Variants in URI1 observed in about 807,000 individuals in gnomAD.
URI1 encodes unconventional prefoldin RPB5 interactor 1.
A neutral mutation model predicts 60.2 loss-of-function variants in URI1; 39 were observed. The ratio of observed to expected loss-of-function variants is 0.65; its 90% confidence interval spans 0.50 to 0.85. URI1 has a LOEUF of 0.85. Ranked by LOEUF, URI1 falls within the 40% of genes least tolerant of loss-of-function variation. The pLI, the probability that URI1 is intolerant of heterozygous loss-of-function variation, is 0.00. For synonymous variants in URI1, 251 were observed against 236.8 expected (o/e 1.06, Z -0.55); for missense variants, 691 against 665.9 (o/e 1.04, Z -0.42).
In URI1 at chr19:30,015,026, G is replaced by A. The variant is rs1426813016; in HGVS notation, c.1565G>A (p.Arg522Lys). ...LLEASEETGK[R>K]VSKFKAARLQ... is the part of the protein sequence containing the mutation. ...GAAGCATCTGAAGAAACTGGAAAGA[G>A]GGTTTCAAAGTTTAAAGCTGCCAGA... The change falls in exon 11 of 11, where the codon AGG (arginine) becomes AAG (lysine). Residue 522 changes from arginine to lysine, a missense_variant. Physicochemically the swap from Arg to Lys is conservative, Grantham distance 26 (BLOSUM62 2). Transcript: ENST00000392271. 4 of 1,613,724 alleles carry A rather than the reference G, an allele frequency of 2.5e-6. No homozygotes were observed. Among genetic ancestry groups the A allele is most frequent in the Admixed American group, 1.7e-5 (1 of 59,988 alleles).
At position 29,933,506 on chromosome 19, in the gene URI1, C is replaced by A. The variant is rs144946965; in HGVS notation, c.63+9752C>A. Among the ~76,000 whole-genome samples, 442 of 151,836 alleles carry A rather than the reference C, an allele frequency of 2.9e-3. 1 individual carries two copies. The highest frequency in any genetic ancestry group is 0.01 in the African/African-American group (432 of 41,464). ...GACTCTTTTCTCTTTTTTTCTTAGT[C>A]AATTTTGTTGATCTTTAAAAACATC... On this transcript the variant is annotated intron_variant, in intron 1 of 10. Coordinates refer to the URI1 transcript ENST00000360605.
At chr19:29,963,488 T>C (rs2055351937) in intron 1 of URI1, among the ~76,000 whole-genome samples, 1 of 152,214 alleles carries the variant, frequency 6.6e-6, no homozygotes, top group East Asian at 1.9e-4. Context: ...TTTTAAAATA[T>C]ATTCCTTTTA....
At chr19:29,933,148 G>A (rs1289296141) in intron 1 of URI1, among the ~76,000 whole-genome samples, 2 of 152,184 alleles carry the variant, frequency 1.3e-5, no homozygotes, top group East Asian at 3.8e-4. Context: ...TGGCCTCATA[G>A]AATGTGTTCT....
chr19:30,015,220 A>G lies in URI1; in HGVS notation c.*151A>G, dbSNP rs2145462423. Reference sequence around the variant, plus strand: ...CTTTTACCCTTACCCGTGGTATTTGAAAAAAATCAAGGTAACTGTCTGAAT... The same window carrying G: ...CTTTTACCCTTACCCGTGGTATTTGGAAAAAATCAAGGTAACTGTCTGAAT... On this transcript the variant is annotated 3_prime_UTR_variant, in exon 11 of 11. Coordinates refer to ENST00000392271, the MANE Select transcript of URI1 (RefSeq NM_003796.3). 7.0e-7 allele frequency: 1 copy of G among 1,422,250 alleles called. No homozygotes were observed. Among genetic ancestry groups the G allele is most frequent in the East Asian group, 2.5e-5 (1 of 39,932 alleles). The allele number at this position is 1,422,250 out of a possible 1,614,324, so 88.1% of individuals were successfully genotyped here.
At chr19:29,947,135 C>A (rs998044874) in intron 1 of URI1, among the ~76,000 whole-genome samples, 1 of 152,122 alleles carries the variant, frequency 6.6e-6, no homozygotes, top group Non-Finnish European at 1.5e-5. Flanking sequence ...AGCTTTCTAG[C>A]CAGTATGAGA....
At chr19:30,002,999 TTAAAA>T (rs2055896801) in intron 4 of URI1, among the ~76,000 whole-genome samples, 1 of 152,030 alleles carries the variant, frequency 6.6e-6, no homozygotes, top group African/African-American at 2.4e-5. Context: ...ATTTCACCTC[TTAAAA>T]TAAATTTTTG....
At chr19:29,932,820 T>A (rs936774652) in intron 1 of URI1, among the ~76,000 whole-genome samples, 1 of 151,130 alleles carries the variant, frequency 6.6e-6, no homozygotes, top group African/African-American at 2.4e-5. Context: ...TCCAGCTAAT[T>A]TTTTGTATTT....
At chr19:29,987,329 C>T (rs899793880) in intron 4 of URI1, among the ~76,000 whole-genome samples, 42 of 152,096 alleles carry the variant, frequency 2.8e-4, no homozygotes, top group Non-Finnish European at 5.4e-4. Context: ...TGAATGAGTA[C>T]TAGAGAACTC....
intron 2 of URI1, among the ~76,000 whole-genome samples, chr19:29,983,505 G>C (rs936549981): frequency 6.6e-6 from 1 of 152,108 alleles, no homozygotes; most frequent in Admixed American, 6.5e-5. Context: ...CTGGAGAGTT[G>C]TTACCTACAT....
chr19:29,925,317 C>G (rs1386776021), intron 1 of URI1, among the ~76,000 whole-genome samples: 1 of 152,082 alleles, frequency 6.6e-6, no homozygotes, highest in Non-Finnish European at 1.5e-5. Context: ...TCTTTTTTCC[C>G]TTTGTCCTGG....
chr19:29,997,369 A>C (rs529392819), intron 4 of URI1, among the ~76,000 whole-genome samples: 14 of 152,172 alleles, frequency 9.2e-5, no homozygotes, highest in Admixed American at 9.2e-4. Flanking sequence ...TAATCCCATT[A>C]ATTTCTGTAA....
intron 4 of URI1, among the ~76,000 whole-genome samples, chr19:29,992,757 A>G (rs544319762): frequency 7.9e-5 from 12 of 152,340 alleles, no homozygotes; most frequent in African/African-American, 2.6e-4. Context: ...GACTAAGTGA[A>G]AAGACCAGGA....
intron 9 of URI1, 145 bp downstream of exon 9, chr19:30,011,381 A>T: frequency 2.8e-6 from 3 of 1,073,872 alleles, no homozygotes; most frequent in Non-Finnish European, 2.5e-6. Context: ...AGGATCTGAT[A>T]GGCTGACCGG....
intron 2 of URI1, among the ~76,000 whole-genome samples, chr19:29,978,679 A>G (rs2055555530): frequency 6.6e-6 from 1 of 152,136 alleles, no homozygotes; most frequent in Non-Finnish European, 1.5e-5. Context: ...TACCAAAGAC[A>G]GATTGGGGTG....
intron 4 of URI1, among the ~76,000 whole-genome samples, chr19:30,004,758 T>C (rs2055919462): frequency 6.6e-6 from 1 of 152,066 alleles, no homozygotes; most frequent in Non-Finnish European, 1.5e-5. Flanking sequence ...CAGTATTGGG[T>C]AGAGAAATGT....
At chr19:29,952,245 A>G (rs1163912328) in intron 1 of URI1, among the ~76,000 whole-genome samples, 1 of 152,252 alleles carries the variant, frequency 6.6e-6, no homozygotes, top group African/African-American at 2.4e-5. Flanking sequence ...AGTTCTCTTT[A>G]TATTAAGCAA....
intron 4 of URI1, among the ~76,000 whole-genome samples, chr19:29,997,243 C>CT (rs2055823417): frequency 6.6e-6 from 1 of 152,088 alleles, no homozygotes; most frequent in African/African-American, 2.4e-5. Context: ...CAATATGCTA[C>CT]TTGTTACAAG....
chr19:29,940,761 G>C (rs2055014925), upstream of URI1, among the ~76,000 whole-genome samples: 1 of 152,146 alleles, frequency 6.6e-6, no homozygotes, highest in Non-Finnish European at 1.5e-5. Flanking sequence ...CTAGGGGGTG[G>C]GTCAGCTTCC....
At chr19:29,965,148 A>G (rs1334651778) in intron 1 of URI1, among the ~76,000 whole-genome samples, 1 of 152,074 alleles carries the variant, frequency 6.6e-6, no homozygotes, top group African/African-American at 2.4e-5. Flanking sequence ...TGCAGATCCT[A>G]TAGTGGTCTT....
Sources: allele counts gnomAD v4.1 joint callset (sites outside exome capture counted in the v4.1 genomes callset), GRCh38; gene constraint gnomAD v4.1.1; transcripts MANE v1.5; gene names NCBI Gene and HGNC (gene_info 2026-07-23, HGNC 2026-07-21).